The following SMPX variants were observed in gnomAD, a reference collection of about 807,000 sequenced individuals.
SMPX encodes the protein small muscle protein X-linked.
SMPX carries 2 observed loss-of-function variants against 6.3 expected under a neutral mutation model. The observed-to-expected ratio is 0.32, with a 90% CI of 0.13 to 0.99. SMPX has a LOEUF of 0.99. SMPX is among the 50% of genes least tolerant of loss of function. The pLI is 0.49. For synonymous variants in SMPX, 32 were observed against 24.7 expected, an observed-to-expected ratio of 1.30 and a Z score of -0.88; for missense variants, 60 against 66.8, an observed-to-expected ratio of 0.90 and a Z score of 0.36.
intron 3 of SMPX, among the ~76,000 whole-genome samples, chrX:21,741,312 A>T (rs951576253): frequency 4.4e-4 from 50 of 112,525 alleles, no homozygotes; most frequent in African/African-American, 1.5e-3. Context: ...TCTATACAGT[A>T]ATTATCCTCA....
intron 3 of SMPX, among the ~76,000 whole-genome samples, chrX:21,738,716 C>A (rs1007068935): frequency 9.0e-6 from 1 of 110,999 alleles, no homozygotes; most frequent in African/African-American, 3.3e-5. Flanking sequence ...CTTCCCACGG[C>A]TGCTTGTAGC....
Position 21,715,305 on chromosome X carries a change from C to T in SMPX, c.*15-8911G>A, listed in dbSNP as rs868141708. ...GTGTGTGTGTGTGTGTGTGTGTGTG[C>T]GCGCACGCGCGCGCGCTCGCGCGCT... On this transcript the variant is annotated intron_variant, in intron 4 of 4. Transcript: ENST00000379494. Among the ~76,000 whole-genome samples, 449 of 79,898 alleles carry T rather than the reference C, an allele frequency of 5.6e-3. 1 individual carries two copies. Among genetic ancestry groups the T allele is most frequent in the African/African-American group, 0.018 (288 of 16,117 alleles). The allele number at this position is 79,898 out of a possible 115,157, so 69.4% of individuals were successfully genotyped here. A position where few individuals can be genotyped will look rare whatever the true frequency, so the allele number is the denominator to read the frequency against.
intron 4 of SMPX, chrX:21,727,587 A>T (rs766618163): frequency 2.7e-5 from 3 of 112,065 alleles, no homozygotes; most frequent in Non-Finnish European, 5.6e-5. Context: ...TTTATCCAGC[A>T]GTCCAGATGA....
chrX:21,709,444 C>A (rs1208948039), intron 4 of SMPX, among the ~76,000 whole-genome samples: 1 of 112,451 alleles, frequency 8.9e-6, no homozygotes, highest in Non-Finnish European at 1.9e-5. Flanking sequence ...AGGCTAGGAT[C>A]TTTTAAGGAT....
chrX:21,718,371 G>T (rs982385126), intron 4 of SMPX, among the ~76,000 whole-genome samples: 2 of 112,416 alleles, frequency 1.8e-5, no homozygotes, highest in African/African-American at 6.5e-5. Flanking sequence ...ATTGAGAAGG[G>T]AGTCCCTTGT....
chrX:21,752,232 C>A (rs1248332604), intron 2 of SMPX, among the ~76,000 whole-genome samples: 2 of 111,094 alleles, frequency 1.8e-5, no homozygotes, highest in Non-Finnish European at 3.8e-5. Flanking sequence ...AGTGAATTTT[C>A]AGTGTAGATT....
intron 4 of SMPX, among the ~76,000 whole-genome samples, chrX:21,733,035 GT>G (rs1485812057): frequency 8.9e-6 from 1 of 111,913 alleles, no homozygotes; most frequent in African/African-American, 3.2e-5. Flanking sequence ...AATGTCTGCT[GT>G]TTTAGCTACC....
chrX:21,726,120 G>A, intron 4 of SMPX, among the ~76,000 whole-genome samples: 1 of 111,877 alleles, frequency 8.9e-6, no homozygotes, highest in East Asian at 2.8e-4. Flanking sequence ...TCAGGAAGTT[G>A]CCCAAGGTCA....
intron 3 of SMPX, among the ~76,000 whole-genome samples, chrX:21,738,120 A>G (rs1222838792): frequency 8.9e-6 from 1 of 112,631 alleles, no homozygotes; most frequent in Non-Finnish European, 1.9e-5. Context: ...AAACTGAAAC[A>G]AACGTAAGCA....
At chrX:21,728,541 G>A (rs758135690) in intron 4 of SMPX, among the ~76,000 whole-genome samples, 5 of 112,358 alleles carry the variant, frequency 4.5e-5, no homozygotes, top group Non-Finnish European at 7.5e-5. Flanking sequence ...ACATGCCAGG[G>A]TTATGTTTCA....
chrX:21,737,751 T>G (rs895046731), intron 3 of SMPX, 54 bp from the exon 4 acceptor site: 1 of 1,152,450 alleles, frequency 8.7e-7, no homozygotes, highest in African/African-American at 1.8e-5. Context: ...TTGATCTCTT[T>G]GGGCCATAAG....
intron 4 of SMPX, among the ~76,000 whole-genome samples, chrX:21,707,526 C>A (rs1357574969): frequency 8.9e-6 from 1 of 112,009 alleles, no homozygotes; most frequent in Non-Finnish European, 1.9e-5. Context: ...AATTTGCATT[C>A]ATGGCTCCTG....
intron 4 of SMPX, among the ~76,000 whole-genome samples, chrX:21,731,556 T>TAC (rs1448182634): frequency 3.9e-5 from 3 of 77,095 alleles, no homozygotes; most frequent in African/African-American, 8.2e-5. Flanking sequence ...TGTGTATATA[T>TAC]ACACATTATG....
chrX:21,755,121 G>A (rs759083447), intron 1 of SMPX, among the ~76,000 whole-genome samples: 2 of 112,698 alleles, frequency 1.8e-5, no homozygotes, highest in Non-Finnish European at 1.9e-5. Flanking sequence ...TAGGGGATGC[G>A]GGATGCAATT....
Position 21,715,262 on chromosome X carries a change from CTGTGTGTGTGTG to C in SMPX, c.*15-8880_*15-8869del, listed in dbSNP as rs34947234. Among the ~76,000 whole-genome samples, 118 of 94,608 alleles carry C rather than the reference CTGTGTGTGTGTG, an allele frequency of 1.2e-3. 1 individual carries two copies. The East Asian group carries it at 0.025, about 20-fold the overall frequency. 82.2% of individuals were successfully genotyped at this position (94,608 alleles called of 115,157 possible). On this transcript the variant is annotated intron_variant, in intron 4 of 4. Coordinates refer to ENST00000379494, the MANE Select transcript of SMPX (RefSeq NM_014332.3). ...ATAGGCTGTTGTAACTCACTCTGCT[CTGTGTGTGTGTG>C]TGTGTGTGTGTGTGTGTGTGTGTGT...
At chrX:21,721,587 A>C in intron 4 of SMPX, among the ~76,000 whole-genome samples, 1 of 112,374 alleles carries the variant, frequency 8.9e-6, no homozygotes, top group Non-Finnish European at 1.9e-5. Context: ...GGATCACCTG[A>C]AGATTCTGTG....
intron 2 of SMPX, among the ~76,000 whole-genome samples, chrX:21,744,633 G>A (rs1294537914): frequency 8.9e-6 from 1 of 112,160 alleles, no homozygotes; most frequent in East Asian, 2.8e-4. Flanking sequence ...GTGAATATAT[G>A]TAATGCAGAT....
chrX:21,740,131 G>A (rs1479284001), intron 3 of SMPX, among the ~76,000 whole-genome samples: 1 of 111,291 alleles, frequency 9.0e-6, no homozygotes, highest in African/African-American at 3.3e-5. Flanking sequence ...GGAAGAAGGG[G>A]GTTAATGGTG....
At chrX:21,721,272 C>A (rs1006445153) in intron 4 of SMPX, among the ~76,000 whole-genome samples, 3 of 111,482 alleles carry the variant, frequency 2.7e-5, no homozygotes, top group African/African-American at 9.8e-5. Context: ...TATTCTCAGC[C>A]CCTTCTGGGC....
Sources: allele counts gnomAD v4.1 joint callset (sites outside exome capture counted in the v4.1 genomes callset), GRCh38; gene constraint gnomAD v4.1.1; transcripts MANE v1.5; gene names NCBI Gene and HGNC (gene_info 2026-07-23, HGNC 2026-07-21).